Variants in HS6ST3 observed in about 807,000 individuals in gnomAD.
HS6ST3 encodes the protein heparan sulfate 6-O-sulfotransferase 3.
Under a neutral mutation model 36.7 loss-of-function variants are expected in HS6ST3, and 12 were observed. That is an observed-to-expected ratio of 0.33 (90% confidence interval 0.21 to 0.53). The LOEUF (loss-of-function observed/expected upper bound fraction) is 0.53, where lower values mean the gene tolerates loss of function less well. HS6ST3 is among the 20% of genes least tolerant of loss of function. HS6ST3 has a pLI of 0.95. For missense variants in HS6ST3, 584 were observed against 640.9 expected (o/e 0.91, Z 0.96); for synonymous variants, 240 against 257.5 (o/e 0.93, Z 0.65).
chr13:96,309,271 C>T (rs376732596), intron 1 of HS6ST3, among the ~76,000 whole-genome samples: 3 of 152,064 alleles, frequency 2.0e-5, no homozygotes, highest in African/African-American at 7.2e-5. Flanking sequence ...TGGTTTCATG[C>T]TAAGCATAGC....
chr13:96,094,608 C>G (rs1356455079), intron 1 of HS6ST3, among the ~76,000 whole-genome samples: 3 of 152,158 alleles, frequency 2.0e-5, no homozygotes, highest in Non-Finnish European at 4.4e-5. Flanking sequence ...CAAAAACTAT[C>G]TGGAATGGTG....
chr13:96,106,472 T>C (rs1337372318), intron 1 of HS6ST3, among the ~76,000 whole-genome samples: 3 of 152,154 alleles, frequency 2.0e-5, no homozygotes, highest in Non-Finnish European at 4.4e-5. Context: ...GTGAGTGAGC[T>C]TGGAAAAGGA....
chr13:96,545,691 T>G (rs549492985), intron 1 of HS6ST3, among the ~76,000 whole-genome samples: 2 of 152,224 alleles, frequency 1.3e-5, no homozygotes, highest in East Asian at 3.8e-4. Context: ...GTTTATTACC[T>G]GTGTTCTTAT....
At chr13:96,729,634 A>ATT (rs142375389) in intron 1 of HS6ST3, among the ~76,000 whole-genome samples, 12 of 146,396 alleles carry the variant, frequency 8.2e-5, no homozygotes, top group South Asian at 2.2e-4. Flanking sequence ...TATTTTTTGT[A>ATT]TTTTTTTTTT....
intron 1 of HS6ST3, among the ~76,000 whole-genome samples, chr13:96,785,205 TG>T (rs1877620077): frequency 6.6e-6 from 1 of 152,102 alleles, no homozygotes. Context: ...TTTGATGATG[TG>T]ACTCCAAAAA....
At chr13:96,614,307 A>AAC (rs2138990564) in intron 1 of HS6ST3, among the ~76,000 whole-genome samples, 1 of 147,336 alleles carries the variant, frequency 6.8e-6, no homozygotes, top group East Asian at 2.0e-4. Context: ...CAAAAAAAAA[A>AAC]AAAAAAAAAA....
At chr13:96,349,310 T>G (rs868065255) in intron 1 of HS6ST3, among the ~76,000 whole-genome samples, 1 of 152,180 alleles carries the variant, frequency 6.6e-6, no homozygotes, top group Admixed American at 6.5e-5. Context: ...TTTTCTGCAG[T>G]ATTTTTTTTT....
intron 1 of HS6ST3, among the ~76,000 whole-genome samples, chr13:96,801,548 G>T (rs1387723298): frequency 6.6e-6 from 1 of 151,912 alleles, no homozygotes; most frequent in African/African-American, 2.4e-5. Flanking sequence ...TATTATCACT[G>T]AGAGTCTACA....
chr13:96,388,807 C>T (rs1289780420), intron 1 of HS6ST3, among the ~76,000 whole-genome samples: 1 of 152,082 alleles, frequency 6.6e-6, no homozygotes, highest in African/African-American at 2.4e-5. Context: ...TGGCATTTCC[C>T]CTGCTGGCAC....
At chr13:96,454,227 A>C (rs888900391) in intron 1 of HS6ST3, among the ~76,000 whole-genome samples, 7 of 152,128 alleles carry the variant, frequency 4.6e-5, no homozygotes, top group Admixed American at 1.3e-4. Flanking sequence ...TAGGAACTGA[A>C]TGTGCCTTAG....
rs955553474 is a variant in HS6ST3, at chr13:96,464,987, T to C, written c.708-367503T>C. Among the ~76,000 whole-genome samples, 25 of 149,370 alleles carry C rather than the reference T, an allele frequency of 1.7e-4. 1 individual carries two copies. Among genetic ancestry groups the C allele is most frequent in the Non-Finnish European group, 2.8e-4 (19 of 67,232 alleles). On this transcript the variant is annotated intron_variant, in intron 1 of 1. Transcript: ENST00000376705. ...GTGTGTGTGTGTGTGTGTGTGTGTG[T>C]GCATGCCCACACACGAGGAACTTTA...
At chr13:96,549,475 G>T (rs764110922) in intron 1 of HS6ST3, among the ~76,000 whole-genome samples, 6 of 152,150 alleles carry the variant, frequency 3.9e-5, no homozygotes, top group Non-Finnish European at 8.8e-5. Flanking sequence ...GCTCTGATTT[G>T]ATTGCAGGCT....
Position 96,781,869 on chromosome 13 carries a change from G to T in HS6ST3, c.708-50621G>T, listed in dbSNP as rs192201224. On this transcript the variant is annotated intron_variant, in intron 1 of 1. Transcript: ENST00000376705. ...ACAGAGGAATGACAAATACGTTATT[G>T]TTGGTGTTTATTGGCATTGTTATTA... 1.8e-4 allele frequency among the ~76,000 whole-genome samples: 27 copies of T among 152,214 alleles called. No homozygotes were observed. The East Asian group carries it at 5.2e-3, about 29-fold the overall frequency.
chr13:96,128,162 G>T (rs2139309992), intron 1 of HS6ST3, among the ~76,000 whole-genome samples: 1 of 152,284 alleles, frequency 6.6e-6, no homozygotes, highest in Admixed American at 6.5e-5. Context: ...ACCCTTATCT[G>T]TTTTCTCCAG....
chr13:96,516,664 A>G (rs1235425495), intron 1 of HS6ST3, among the ~76,000 whole-genome samples: 1 of 152,164 alleles, frequency 6.6e-6, no homozygotes, highest in Non-Finnish European at 1.5e-5. Flanking sequence ...ATTGGTTCAG[A>G]GTGATCATTT....
intron 1 of HS6ST3, among the ~76,000 whole-genome samples, chr13:96,585,938 A>G (rs796220653): frequency 4.1e-4 from 62 of 152,292 alleles, no homozygotes; most frequent in Middle Eastern, 3.4e-3. Flanking sequence ...CTCTTTGGAT[A>G]TATACCTACA....
At chr13:96,733,454 T>C (rs1224649894) in intron 1 of HS6ST3, among the ~76,000 whole-genome samples, 2 of 152,224 alleles carry the variant, frequency 1.3e-5, no homozygotes, top group Non-Finnish European at 2.9e-5. Flanking sequence ...CTAAAAACAA[T>C]GTTTAGCCAT....
intron 1 of HS6ST3, among the ~76,000 whole-genome samples, chr13:96,179,438 C>T (rs978364568): frequency 3.3e-5 from 5 of 152,206 alleles, no homozygotes; most frequent in African/African-American, 1.2e-4. Flanking sequence ...ACTCCTTGAG[C>T]TCATCACCTT....
chr13:96,577,807 G>C (rs1336941702), intron 1 of HS6ST3, among the ~76,000 whole-genome samples: 1 of 152,206 alleles, frequency 6.6e-6, no homozygotes, highest in Non-Finnish European at 1.5e-5. Context: ...TTTCACGCCA[G>C]TTAGAATGGC....
Sources: allele counts gnomAD v4.1 joint callset (sites outside exome capture counted in the v4.1 genomes callset), GRCh38; gene constraint gnomAD v4.1.1; transcripts MANE v1.5; gene names NCBI Gene and HGNC (gene_info 2026-07-23, HGNC 2026-07-21).